Variants in CRACR2A observed in about 807,000 individuals in gnomAD.
The protein encoded by CRACR2A is EF-hand calcium-binding domain-containing protein 4B.
CRACR2A carries 79 observed loss-of-function variants against 90.5 expected under a neutral mutation model. That is an observed-to-expected ratio of 0.87 (90% CI 0.73 to 1.05). The LOEUF is 1.05. CRACR2A is among the 50% of genes least tolerant of loss of function. The pLI is 0.00. For synonymous variants in CRACR2A, 338 were observed against 356.7 expected, an observed-to-expected ratio of 0.95 and a Z score of 0.59; for missense variants, 823 against 897.2, an observed-to-expected ratio of 0.92 and a Z score of 1.06.
chr12:3,673,613 A>G lies in CRACR2A; in HGVS notation c.525-21T>C, dbSNP rs61907258. 251,098 of 1,608,258 alleles carry G rather than the reference A, an allele frequency of 0.16. 21,396 individuals carry two copies. Among genetic ancestry groups the G allele is most frequent in the Admixed American group, 0.28 (16,630 of 59,070 alleles). ...TTTCACTGCAAGAGAAGGGACGCTC[A>G]TGTGGAAGTGTGGAGATGAGGCTTC... On this transcript the variant is annotated intron_variant, in intron 6 of 19. Transcript: ENST00000440314.
chr12:3,673,359 T>A, intron 7 of CRACR2A, 87 bp downstream of exon 7: 1 of 1,500,778 alleles, frequency 6.7e-7, no homozygotes, highest in Non-Finnish European at 9.0e-7. Flanking sequence ...TGCACGATGT[T>A]TTGGCAGAAG....
chr12:3,616,390 A>G (rs962837133), intron 19 of CRACR2A, among the ~76,000 whole-genome samples: 4 of 152,250 alleles, frequency 2.6e-5, no homozygotes, highest in African/African-American at 4.8e-5. Context: ...GAGTCCCAGC[A>G]TGGTTTTGTT....
At chr12:3,752,234 T>C (rs1354747098) in intron 1 of CRACR2A, among the ~76,000 whole-genome samples, 4 of 152,170 alleles carry the variant, frequency 2.6e-5, no homozygotes, top group African/African-American at 7.2e-5. Flanking sequence ...AAGCACACTG[T>C]GTAAACAGAT....
chr12:3,751,259 CTTT>C (rs1299022852), intron 1 of CRACR2A, among the ~76,000 whole-genome samples: 1 of 152,168 alleles, frequency 6.6e-6, no homozygotes, highest in Non-Finnish European at 1.5e-5. Flanking sequence ...TGGCAGATGA[CTTT>C]TCCCCTACCC....
chr12:3,701,524 G>A (rs1945833906), intron 3 of CRACR2A, among the ~76,000 whole-genome samples: 1 of 152,084 alleles, frequency 6.6e-6, no homozygotes, highest in African/African-American at 2.4e-5. Flanking sequence ...GCTAATAAGA[G>A]AATATTATGA....
At chr12:3,687,271 G>A (rs2137652366) in intron 4 of CRACR2A, among the ~76,000 whole-genome samples, 1 of 150,456 alleles carries the variant, frequency 6.6e-6, no homozygotes, top group South Asian at 2.1e-4. Flanking sequence ...GGGGTTTGTT[G>A]TACATATTAT....
intron 18 of CRACR2A, among the ~76,000 whole-genome samples, chr12:3,618,178 A>AAAAAAAG (rs1867731741): frequency 6.6e-6 from 1 of 151,942 alleles, no homozygotes; most frequent in African/African-American, 2.4e-5. Flanking sequence ...AACAAAAAAA[A>AAAAAAAG]AAAAGAAAAG....
chr12:3,691,298 A>T (rs1945647447), intron 4 of CRACR2A, among the ~76,000 whole-genome samples: 1 of 152,128 alleles, frequency 6.6e-6, no homozygotes, highest in Non-Finnish European at 1.5e-5. Context: ...CTCCTTTCAT[A>T]TTTAGTGCTT....
intron 7 of CRACR2A, 65 bp from the exon 8 acceptor site, chr12:3,659,719 G>C (rs1944991733): frequency 7.6e-7 from 1 of 1,317,180 alleles, no homozygotes; most frequent in African/African-American, 1.4e-5. Context: ...AGCTCCTGGA[G>C]CTCAGACACC....
chr12:3,687,717 G>T lies in CRACR2A; in HGVS notation c.229-7368C>A, dbSNP rs1009457926. On this transcript the variant is annotated intron_variant, in intron 4 of 19. Coordinates refer to ENST00000440314, the MANE Select transcript of CRACR2A (RefSeq NM_001144958.2). ...CCTTTGGGTATATACCCAGTAATGGGATTGCTGGGTCCATGGTAGTTCTGT... is the reference window on the plus strand; with the variant it reads ...CCTTTGGGTATATACCCAGTAATGGTATTGCTGGGTCCATGGTAGTTCTGT... Among the ~76,000 whole-genome samples, 6 of 152,174 alleles carry T rather than the reference G, an allele frequency of 3.9e-5. No individual in the cohort carries two copies. In the South Asian group the frequency reaches 6.2e-4, roughly 16 times the overall value.
chr12:3,665,518 T>C (rs879613260), intron 7 of CRACR2A, among the ~76,000 whole-genome samples: 2 of 152,220 alleles, frequency 1.3e-5, no homozygotes, highest in East Asian at 3.8e-4. Context: ...AAAAAGATAA[T>C]GCATGTGGAA....
At chr12:3,626,286 T>C (rs985763917) in intron 17 of CRACR2A, among the ~76,000 whole-genome samples, 1 of 152,140 alleles carries the variant, frequency 6.6e-6, no homozygotes, top group African/African-American at 2.4e-5. Context: ...GTCAAAGAAA[T>C]GGACAACTCC....
At chr12:3,750,138 G>A (rs942853746) in intron 1 of CRACR2A, among the ~76,000 whole-genome samples, 11 of 150,396 alleles carry the variant, frequency 7.3e-5, no homozygotes, top group African/African-American at 2.0e-4. Flanking sequence ...GTTTTGCCAC[G>A]TTGGCCAGGC....
intron 2 of CRACR2A, among the ~76,000 whole-genome samples, chr12:3,725,398 A>C (rs1173786052): frequency 3.9e-5 from 6 of 151,996 alleles, no homozygotes; most frequent in Admixed American, 3.9e-4. Flanking sequence ...TTGAGGCTAT[A>C]TCACTCCAGC....
intron 15 of CRACR2A, 93 bp from the exon 16 acceptor site, chr12:3,627,799 A>C: frequency 2.3e-6 from 3 of 1,287,892 alleles, no homozygotes; most frequent in Non-Finnish European, 3.3e-6. Context: ...CTGAAATCAC[A>C]TCAGGCCCAA....
chr12:3,705,497 C>G (rs1945902384), intron 3 of CRACR2A, among the ~76,000 whole-genome samples: 1 of 152,186 alleles, frequency 6.6e-6, no homozygotes, highest in Non-Finnish European at 1.5e-5. Context: ...CCAGATTTCC[C>G]TTGAATGTCT....
intron 4 of CRACR2A, among the ~76,000 whole-genome samples, chr12:3,686,982 A>G (rs1329306344): frequency 6.6e-6 from 1 of 152,112 alleles, no homozygotes; most frequent in Non-Finnish European, 1.5e-5. Context: ...AGGGACCCTG[A>G]TTAAAAACAG....
chr12:3,683,606 T>G (rs946691002), intron 4 of CRACR2A, among the ~76,000 whole-genome samples: 1 of 152,144 alleles, frequency 6.6e-6, no homozygotes, highest in Non-Finnish European at 1.5e-5. Context: ...TTATACAAGC[T>G]CCCCAAACTA....
chr12:3,641,447 C>A (rs1383891906), intron 13 of CRACR2A, among the ~76,000 whole-genome samples: 1 of 152,246 alleles, frequency 6.6e-6, no homozygotes, highest in Non-Finnish European at 1.5e-5. Flanking sequence ...TCTCCCTTGA[C>A]CCCTCTCCTC....
Sources: gnomAD v4.1 joint callset for allele counts (sites outside exome capture counted in the v4.1 genomes callset) on GRCh38, gnomAD v4.1.1 for gene constraint, MANE v1.5 for transcripts, NCBI Gene and HGNC (gene_info 2026-07-23, HGNC 2026-07-21) for gene names.